ZNF804A: variants seen among roughly 807,000 people sequenced by gnomAD.
ZNF804A encodes zinc finger protein 804A.
In ZNF804A, 2 loss-of-function variants were observed where a neutral mutation model predicts 16.5. The ratio of observed to expected loss-of-function variants is 0.12; its 90% CI spans 0.05 to 0.38. The LOEUF (loss-of-function observed/expected upper bound fraction) is 0.38, where lower values mean the gene tolerates loss of function less well. ZNF804A is among the 10% of genes least tolerant of loss of function. The pLI, the probability that ZNF804A is intolerant of heterozygous loss-of-function variation, is 0.99. For synonymous variants in ZNF804A, 534 were observed against 489.6 expected (o/e 1.09, Z -1.20); for missense variants, 1,473 against 1,390.7 (o/e 1.06, Z -0.94).
Position 184,938,254 on chromosome 2 carries a change from A to G in ZNF804A, c.2858A>G (p.Gln953Arg), listed in dbSNP as rs145454733. ...INLNEKQIPF[Q>R]VPNIERNFRQ... ...CTTAATGAAAAGCAAATTCCTTTTC[A>G]GGTGCCTAATATTGAAAGGAACTTT... Residue 953 changes from glutamine (Q) to arginine (R), a missense_variant, in exon 4 of 4, where the codon CAG (glutamine) becomes CGG (arginine). Gln to Arg is a conservative substitution (Grantham distance 43). Transcript: ENST00000302277. 12 of 1,614,002 alleles carry G rather than the reference A, an allele frequency of 7.4e-6. No homozygotes were observed. Among genetic ancestry groups the G allele is most frequent in the Non-Finnish European group, 1.0e-5 (12 of 1,180,028 alleles).
chr2:184,854,951 T>TA (rs1017752244), intron 1 of ZNF804A, among the ~76,000 whole-genome samples: 6 of 151,832 alleles, frequency 4.0e-5, no homozygotes, highest in South Asian at 2.1e-4. Flanking sequence ...GACATTAATT[T>TA]AAAAAAAATG....
At chr2:184,734,841 G>C (rs2170202) in intron 1 of ZNF804A, among the ~76,000 whole-genome samples, 122,484 of 152,092 alleles carry the variant, frequency 0.81, 49,488 homozygotes, top group Admixed American at 0.86. Flanking sequence ...TAACATGATG[G>C]TTTGTTGTTA....
chr2:184,747,789 T>A lies in ZNF804A; in HGVS notation c.112-118580T>A, dbSNP rs1264259062. On this transcript the variant is annotated intron_variant, in intron 1 of 3. Coordinates refer to ENST00000302277, the MANE Select transcript of ZNF804A (RefSeq NM_194250.2). Reference sequence around the variant, plus strand: ...AGCATAGTACCCAATAGGTAGTTTCTCTGTGAACTCATTCCTCTCTCCCCC... The same window carrying A: ...AGCATAGTACCCAATAGGTAGTTTCACTGTGAACTCATTCCTCTCTCCCCC... Among the ~76,000 whole-genome samples the A allele has an allele frequency of 2.6e-5, 4 of 151,242 alleles. No individual in the cohort carries two copies. In the East Asian group the frequency reaches 7.8e-4, roughly 29 times the overall value.
At chr2:184,777,579 T>A (rs1227907052) in intron 1 of ZNF804A, among the ~76,000 whole-genome samples, 1 of 151,526 alleles carries the variant, frequency 6.6e-6, no homozygotes, top group African/African-American at 2.4e-5. Flanking sequence ...TTTACTGCTA[T>A]CTAAAGGAAG....
intron 1 of ZNF804A, among the ~76,000 whole-genome samples, chr2:184,644,255 C>T (rs976051954): frequency 2.0e-5 from 3 of 151,222 alleles, no homozygotes; most frequent in African/African-American, 7.3e-5. Context: ...ATATAAAATA[C>T]CTCATCTGTT....
intron 1 of ZNF804A, among the ~76,000 whole-genome samples, chr2:184,712,526 G>A (rs974602004): frequency 6.6e-6 from 1 of 151,640 alleles, no homozygotes; most frequent in Non-Finnish European, 1.5e-5. Context: ...GGTTGATTCT[G>A]TCTGCAAACT....
At chr2:184,645,726 TG>T (rs545923087) in intron 1 of ZNF804A, among the ~76,000 whole-genome samples, 19 of 152,318 alleles carry the variant, frequency 1.2e-4, no homozygotes, top group Admixed American at 1.1e-3. Flanking sequence ...TTTAGCCTCT[TG>T]GAAATAGCAA....
At chr2:184,676,937 A>G (rs536246306) in intron 1 of ZNF804A, among the ~76,000 whole-genome samples, 9 of 151,894 alleles carry the variant, frequency 5.9e-5, no homozygotes, top group African/African-American at 1.2e-4. Context: ...TATTAAAAAA[A>G]TATTTATTTA....
chr2:184,730,778 A>C (rs535512435), intron 1 of ZNF804A, among the ~76,000 whole-genome samples: 1 of 151,718 alleles, frequency 6.6e-6, no homozygotes, highest in African/African-American at 2.4e-5. Flanking sequence ...TTCACTTACT[A>C]AAGAACATCT....
intron 1 of ZNF804A, among the ~76,000 whole-genome samples, chr2:184,624,596 G>A (rs1691468744): frequency 6.6e-6 from 1 of 152,090 alleles, no homozygotes; most frequent in African/African-American, 2.4e-5. Context: ...ATTCATAACA[G>A]AGGTTCCAGG....
At position 184,936,217 on chromosome 2, in the gene ZNF804A, AAACT is replaced by A. The variant is rs1399367418; in HGVS notation, c.826_829del (p.Asn276LeufsTer20). On this transcript the variant is annotated frameshift_variant, in exon 4 of 4. Transcript: ENST00000302277. LOFTEE classifies it low-confidence loss of function (END_TRUNC). The stretch of plus-strand genomic sequence containing the variant: ...GATGTGCTTTTGAGTTCTGAGGAGA[AAACT>A]AACTCTTTTCATCCACCAGAGGCAA... 2 of 1,613,934 alleles carry A rather than the reference AAACT, an allele frequency of 1.2e-6. No homozygotes were observed. The highest frequency in any genetic ancestry group is 1.3e-5 in the African/African-American group (1 of 74,932).
At chr2:184,681,628 C>G (rs1574160192) in intron 1 of ZNF804A, among the ~76,000 whole-genome samples, 1 of 152,226 alleles carries the variant, frequency 6.6e-6, no homozygotes, top group Non-Finnish European at 1.5e-5. Context: ...AATTGCTGCT[C>G]TTACTGATGG....
At chr2:184,928,051 TC>T (rs1685636668) in intron 2 of ZNF804A, among the ~76,000 whole-genome samples, 1 of 151,896 alleles carries the variant, frequency 6.6e-6, no homozygotes, top group African/African-American at 2.4e-5. Flanking sequence ...AGAGGAAGTC[TC>T]TCCCCATATC....
At chr2:184,931,854 G>C (rs1685707294) in intron 2 of ZNF804A, among the ~76,000 whole-genome samples, 1 of 152,046 alleles carries the variant, frequency 6.6e-6, no homozygotes, top group South Asian at 2.1e-4. Flanking sequence ...AAATAACTTT[G>C]TGAATACATA....
intron 1 of ZNF804A, among the ~76,000 whole-genome samples, chr2:184,783,851 T>G (rs1694408768): frequency 6.6e-6 from 1 of 152,014 alleles, no homozygotes; most frequent in Non-Finnish European, 1.5e-5. Flanking sequence ...GTATCCTTGT[T>G]TGTATTACAG....
At chr2:184,906,176 A>G (rs953576374) in intron 2 of ZNF804A, among the ~76,000 whole-genome samples, 4 of 152,210 alleles carry the variant, frequency 2.6e-5, no homozygotes, top group African/African-American at 9.6e-5. Context: ...AGGATTCATA[A>G]AATAATATAC....
intron 2 of ZNF804A, among the ~76,000 whole-genome samples, chr2:184,908,561 A>G (rs892101023): frequency 1.3e-5 from 2 of 152,150 alleles, no homozygotes; most frequent in African/African-American, 4.8e-5. Context: ...TGTCTACCAC[A>G]GGCATCCATG....
chr2:184,706,190 T>C (rs942339624), intron 1 of ZNF804A, among the ~76,000 whole-genome samples: 1 of 152,182 alleles, frequency 6.6e-6, no homozygotes, highest in African/African-American at 2.4e-5. Flanking sequence ...TGAGTTGGTA[T>C]ATTATCACAC....
chr2:184,878,975 A>G (rs1011368631), intron 2 of ZNF804A, among the ~76,000 whole-genome samples: 3 of 152,034 alleles, frequency 2.0e-5, no homozygotes, highest in African/African-American at 7.2e-5. Context: ...TATATTTAAG[A>G]ATAAGATGAA....
Sources: gnomAD v4.1 joint callset for allele counts (sites outside exome capture counted in the v4.1 genomes callset) on GRCh38, gnomAD v4.1.1 for gene constraint, MANE v1.5 for transcripts, NCBI Gene and HGNC (gene_info 2026-07-23, HGNC 2026-07-21) for gene names.